Variants in GLI3 observed in about 807,000 individuals in gnomAD.
GLI3 encodes the protein transcription activator GLI3.
A neutral mutation model predicts 100.8 loss-of-function variants in GLI3; 20 were observed. The observed-to-expected ratio is 0.20, with a 90% CI of 0.14 to 0.29. GLI3 has a LOEUF of 0.29. Among genes scored for constraint, GLI3 ranks in the 10% least tolerant of loss-of-function variants. The pLI is 1.00. For synonymous variants in GLI3, 938 were observed against 860.5 expected (o/e 1.09, Z -1.58); for missense variants, 2,040 against 2,128.5 (o/e 0.96, Z 0.82).
At chr7:42,087,465 C>T (rs1785126665) in intron 3 of GLI3, among the ~76,000 whole-genome samples, 1 of 152,234 alleles carries the variant, frequency 6.6e-6, no homozygotes, top group Admixed American at 6.5e-5. Flanking sequence ...CACCCTACCC[C>T]ATGCCACCAC....
chr7:42,126,763 C>T (rs1786143034), intron 3 of GLI3, among the ~76,000 whole-genome samples: 1 of 152,204 alleles, frequency 6.6e-6, no homozygotes, highest in Admixed American at 6.5e-5. Flanking sequence ...ATACACCTCA[C>T]TTGACATAGA....
At chr7:41,995,119 C>A (rs148069195) in intron 10 of GLI3, among the ~76,000 whole-genome samples, 1 of 152,314 alleles carries the variant, frequency 6.6e-6, no homozygotes, top group Non-Finnish European at 1.5e-5. Flanking sequence ...ATCTAAAGTA[C>A]ATGCAAAATG....
At chr7:42,234,109 A>G (rs552129552) in intron 1 of GLI3, among the ~76,000 whole-genome samples, 1 of 152,366 alleles carries the variant, frequency 6.6e-6, no homozygotes, top group South Asian at 2.1e-4. Flanking sequence ...CTATAGTCTA[A>G]AAGCATTAAC....
Position 42,023,928 on chromosome 7 carries a change from AAAAC to A in GLI3, c.1357-324_1357-321del, listed in dbSNP as rs1562690520. On this transcript the variant is annotated intron_variant, in intron 9 of 14. Transcript: ENST00000395925. ...TAAAAAAAAACCCAAAACAAAACGTAAAACAAACAAACAAAAAACAAAACAAAGC... is the reference window on the plus strand; with the variant it reads ...TAAAAAAAAACCCAAAACAAAACGTAAAACAAACAAAAAACAAAACAAAGC... Among the ~76,000 whole-genome samples the A allele has an allele frequency of 3.3e-5, 5 of 152,330 alleles. No individual in the cohort carries two copies. The South Asian group carries it at 8.3e-4, about 25-fold the overall frequency.
At chr7:42,106,987 T>C (rs971049501) in intron 3 of GLI3, among the ~76,000 whole-genome samples, 3 of 152,040 alleles carry the variant, frequency 2.0e-5, no homozygotes, top group African/African-American at 7.2e-5. Context: ...TTTGTAGTAA[T>C]TAAAGACTGT....
chr7:42,108,227 G>A (rs902854296), intron 3 of GLI3, among the ~76,000 whole-genome samples: 4 of 152,194 alleles, frequency 2.6e-5, no homozygotes, highest in Non-Finnish European at 4.4e-5. Context: ...ACTTTGCACC[G>A]TTAGTAGCAA....
intron 1 of GLI3, among the ~76,000 whole-genome samples, chr7:42,244,199 T>C (rs1371615950): frequency 6.6e-6 from 1 of 152,220 alleles, no homozygotes; most frequent in African/African-American, 2.4e-5. Context: ...GACTATTTCT[T>C]ACAGAGGGTT....
intron 3 of GLI3, among the ~76,000 whole-genome samples, chr7:42,111,003 A>G (rs1346510170): frequency 1.3e-5 from 2 of 152,244 alleles, no homozygotes; most frequent in African/African-American, 2.4e-5. Flanking sequence ...CTACCACTAG[A>G]GATGCAAACT....
chr7:41,971,144 G>A lies in GLI3; in HGVS notation c.2103+1193C>T, dbSNP rs565252337. 2.1e-4 allele frequency among the ~76,000 whole-genome samples: 32 copies of A among 152,270 alleles called. No individual in the cohort carries two copies. The South Asian group carries it at 5.0e-3, about 24-fold the overall frequency. On this transcript the variant is annotated intron_variant, in intron 13 of 14. Coordinates refer to ENST00000395925, the MANE Select transcript of GLI3 (RefSeq NM_000168.6). Reference sequence around the variant, plus strand: ...AGTCATTAAAACATAGCTTCTCACCGTCTCAATGGTAAGATTGTGCATTAT... The same window carrying A: ...AGTCATTAAAACATAGCTTCTCACCATCTCAATGGTAAGATTGTGCATTAT...
At chr7:42,225,359 T>C (rs929558844) in intron 1 of GLI3, among the ~76,000 whole-genome samples, 2 of 152,178 alleles carry the variant, frequency 1.3e-5, no homozygotes, top group African/African-American at 4.8e-5. Context: ...GTTTTTGTTT[T>C]TTCGGTTTTG....
chr7:41,974,687 T>A (rs1225826528), intron 12 of GLI3, among the ~76,000 whole-genome samples: 1 of 152,254 alleles, frequency 6.6e-6, no homozygotes, highest in East Asian at 1.9e-4. Flanking sequence ...AGATTCTATA[T>A]CTGGGCTTAA....
At chr7:42,108,311 T>G (rs1357475814) in intron 3 of GLI3, among the ~76,000 whole-genome samples, 1 of 152,176 alleles carries the variant, frequency 6.6e-6, no homozygotes, top group Non-Finnish European at 1.5e-5. Flanking sequence ...TCAATCCTGA[T>G]AAATTAAAAA....
At chr7:42,148,828 C>T (rs527726160) in intron 2 of GLI3, among the ~76,000 whole-genome samples, 9 of 152,292 alleles carry the variant, frequency 5.9e-5, no homozygotes, top group Non-Finnish European at 1.0e-4. Context: ...GAACTGAAAC[C>T]TTTGCCAATC....
intron 4 of GLI3, among the ~76,000 whole-genome samples, chr7:42,050,574 C>T (rs1006640777): frequency 3.9e-5 from 6 of 152,198 alleles, no homozygotes; most frequent in South Asian, 4.1e-4. Flanking sequence ...CAAGAAAGGA[C>T]AAGCAATCCT....
At chr7:42,155,050 C>A (rs1173995425) in intron 2 of GLI3, among the ~76,000 whole-genome samples, 1 of 152,302 alleles carries the variant, frequency 6.6e-6, no homozygotes, top group East Asian at 1.9e-4. Context: ...TGGGGAAATT[C>A]AAGTGACAAC....
intron 7 of GLI3, among the ~76,000 whole-genome samples, chr7:42,028,108 A>C (rs1789174303): frequency 6.6e-6 from 1 of 152,232 alleles, no homozygotes; most frequent in East Asian, 1.9e-4. Context: ...CAAAAAACAC[A>C]ATGATTTAAC....
chr7:41,992,490 G>C (rs1419907015), intron 10 of GLI3, among the ~76,000 whole-genome samples: 2 of 152,096 alleles, frequency 1.3e-5, no homozygotes, highest in African/African-American at 4.8e-5. Context: ...AGCTGATGCA[G>C]GAATGTGGGC....
At chr7:42,103,870 A>C (rs758341088) in intron 3 of GLI3, among the ~76,000 whole-genome samples, 5 of 152,208 alleles carry the variant, frequency 3.3e-5, no homozygotes, top group Admixed American at 6.5e-5. Flanking sequence ...AAAGTGCTAC[A>C]ATCTGATAAT....
intron 2 of GLI3, among the ~76,000 whole-genome samples, chr7:42,213,183 T>C (rs528550507): frequency 1.3e-5 from 2 of 152,212 alleles, no homozygotes; most frequent in African/African-American, 2.4e-5. Flanking sequence ...ACTTCTGAAT[T>C]TTACATAATG....
Sources: gnomAD v4.1 joint callset for allele counts (sites outside exome capture counted in the v4.1 genomes callset) on GRCh38, gnomAD v4.1.1 for gene constraint, MANE v1.5 for transcripts, NCBI Gene and HGNC (gene_info 2026-07-23, HGNC 2026-07-21) for gene names.